RAVER2: variants seen among roughly 807,000 people sequenced by gnomAD.
The protein encoded by RAVER2 is ribonucleoprotein PTB-binding 2.
Under a neutral mutation model 78.1 loss-of-function variants are expected in RAVER2, and 46 were observed. That is an observed-to-expected ratio of 0.59 (90% CI 0.46 to 0.75). The LOEUF is 0.75. Ranked by LOEUF, RAVER2 falls within the 30% of genes least tolerant of loss-of-function variation. RAVER2 has a pLI of 0.00. For synonymous variants in RAVER2, 311 were observed against 313.3 expected, an observed-to-expected ratio of 0.99 and a Z score of 0.08; for missense variants, 793 against 837.5, an observed-to-expected ratio of 0.95 and a Z score of 0.66.
exon 9 of RAVER2, chr1:64,807,283 G>A (rs771170298): frequency 6.2e-7 from 1 of 1,614,132 alleles, no homozygotes. Flanking sequence ...TCAGCACATT[G>A]CTGGACAGGC....
chr1:64,751,028 C>A (rs927772491), intron 1 of RAVER2, among the ~76,000 whole-genome samples: 1 of 152,204 alleles, frequency 6.6e-6, no homozygotes, highest in Non-Finnish European at 1.5e-5. Flanking sequence ...ATGCAGTTCT[C>A]TGCTATGAAA....
chr1:64,804,735 G>A, exon 7 of RAVER2: 2 of 1,373,904 alleles, frequency 1.5e-6, no homozygotes, highest in Non-Finnish European at 2.1e-6. Context: ...TTTTCACAGA[G>A]CTCAGTTATG....
chr1:64,808,713 C>T (rs1409990738), intron 9 of RAVER2, among the ~76,000 whole-genome samples: 3 of 152,060 alleles, frequency 2.0e-5, no homozygotes, highest in African/African-American at 4.8e-5. Flanking sequence ...CTTCCCGCCT[C>T]GGCTTCCCAA....
At chr1:64,759,763 G>A (rs942617605) in intron 1 of RAVER2, among the ~76,000 whole-genome samples, 2 of 151,942 alleles carry the variant, frequency 1.3e-5, no homozygotes, top group East Asian at 1.9e-4. Context: ...TGATCCACCC[G>A]CCTTGGCCTC....
rs926991506 is a variant in RAVER2 at position 64,778,722 on chromosome 1, A to C, written c.786+630A>C. ...AAATATATATATATATACTATATAT[A>C]ACACTTTTCCTTACAGAGTTTTGAT... On this transcript the variant is annotated intron_variant, in intron 3 of 11. Coordinates refer to ENST00000294428, the Ensembl canonical transcript of RAVER2. Among the ~76,000 whole-genome samples, 7 of 149,310 alleles carry C rather than the reference A, an allele frequency of 4.7e-5. No individual in the cohort carries two copies. The Admixed American group carries it at 4.7e-4, about 10-fold the overall frequency.
intron 4 of RAVER2, among the ~76,000 whole-genome samples, chr1:64,786,618 C>T (rs1397036701): frequency 6.6e-6 from 1 of 151,664 alleles, no homozygotes; most frequent in African/African-American, 2.4e-5. Flanking sequence ...TGGCGAAACC[C>T]GGTCTCTACT....
At chr1:64,750,961 A>T (rs1651681463) in intron 1 of RAVER2, among the ~76,000 whole-genome samples, 1 of 152,240 alleles carries the variant, frequency 6.6e-6, no homozygotes, top group South Asian at 2.1e-4. Context: ...TTTCTGGGAC[A>T]CCACTGTCTC....
At chr1:64,757,704 T>C (rs1164631941) in intron 1 of RAVER2, among the ~76,000 whole-genome samples, 2 of 152,224 alleles carry the variant, frequency 1.3e-5, no homozygotes, top group African/African-American at 4.8e-5. Flanking sequence ...CTAGCTATAC[T>C]CATTGCCATT....
intron 5 of RAVER2, among the ~76,000 whole-genome samples, chr1:64,797,180 G>A (rs547672704): frequency 5.9e-5 from 9 of 152,236 alleles, no homozygotes; most frequent in Admixed American, 2.6e-4. Flanking sequence ...TATATGTTCC[G>A]CTCTTACTGG....
intron 1 of RAVER2, among the ~76,000 whole-genome samples, chr1:64,767,098 A>G (rs562567862): frequency 9.7e-4 from 147 of 152,208 alleles, no homozygotes; most frequent in African/African-American, 3.5e-3. Flanking sequence ...TATCTTTCAT[A>G]TCATAGAGGA....
At position 64,804,925 on chromosome 1, in the gene RAVER2, C is replaced by T. The variant is rs1653370494; in HGVS notation, c.1297-66C>T. Reference sequence around the variant, plus strand: ...GGATCAGGTTGTTTATGAATTTTCACGTGTGTAGCTTTTTTTAGGTTATAT... The same window carrying T: ...GGATCAGGTTGTTTATGAATTTTCATGTGTGTAGCTTTTTTTAGGTTATAT... On this transcript the variant is annotated intron_variant, in intron 7 of 11. Transcript: ENST00000294428. 26 of 1,536,052 alleles carry T rather than the reference C, an allele frequency of 1.7e-5. No homozygotes were observed. In the Middle Eastern group the frequency reaches 6.8e-4, roughly 40 times the overall value.
intron 9 of RAVER2, among the ~76,000 whole-genome samples, chr1:64,808,195 T>C (rs1050506390): frequency 2.0e-5 from 3 of 152,144 alleles, no homozygotes; most frequent in African/African-American, 4.8e-5. Flanking sequence ...ACCACTGATA[T>C]TTATAAATGT....
At position 64,745,791 on chromosome 1, in the gene RAVER2, G is replaced by T. The variant is rs1481433304; in HGVS notation, c.249+370G>T. ...CATTTTGCGGGGGGGAGCGGGGGTAGAGGGGGCCGAAGCTTCGGGAGCACC... is the reference window on the plus strand; with the variant it reads ...CATTTTGCGGGGGGGAGCGGGGGTATAGGGGGCCGAAGCTTCGGGAGCACC... On this transcript the variant is annotated intron_variant, in intron 1 of 11. Coordinates refer to ENST00000294428, the Ensembl canonical transcript of RAVER2. The surrounding 1 kb of genome is among the most constrained non-coding windows in gnomAD (Gnocchi z 4.3). Among the ~76,000 whole-genome samples, 1 of 152,002 alleles carries T rather than the reference G, an allele frequency of 6.6e-6. No individual in the cohort carries two copies.
intron 1 of RAVER2, among the ~76,000 whole-genome samples, chr1:64,748,410 TC>T (rs1651602875): frequency 6.6e-6 from 1 of 152,220 alleles, no homozygotes; most frequent in African/African-American, 2.4e-5. Flanking sequence ...TGAGGGATAC[TC>T]CTGAAGCACA....
chr1:64,745,075 C>T, upstream of RAVER2: 8 of 992,670 alleles, frequency 8.1e-6, no homozygotes, highest in Non-Finnish European at 9.6e-6. This position sits in a 1 kb window ranked among gnomAD's most constrained non-coding sequence, Gnocchi z 4.3. Context: ...ACTCTGCGGC[C>T]TCTGCCCGCC....
chr1:64,800,070 G>A (rs1465298302), intron 5 of RAVER2, among the ~76,000 whole-genome samples: 2 of 149,570 alleles, frequency 1.3e-5, no homozygotes, highest in Non-Finnish European at 3.0e-5. Flanking sequence ...TCTGAGAAAT[G>A]TCTGTTCAGA....
chr1:64,805,957 A>G (rs1653406507), intron 8 of RAVER2, among the ~76,000 whole-genome samples: 1 of 152,180 alleles, frequency 6.6e-6, no homozygotes, highest in Non-Finnish European at 1.5e-5. Flanking sequence ...CTAATAAATT[A>G]TTTGCTTTAG....
intron 11 of RAVER2, among the ~76,000 whole-genome samples, chr1:64,822,885 C>T (rs1043968992): frequency 6.6e-6 from 1 of 152,176 alleles, no homozygotes; most frequent in Admixed American, 6.5e-5. Context: ...CATGCTACAA[C>T]ATTGGTGAAC....
chr1:64,784,779 C>T (rs777724270), intron 4 of RAVER2, among the ~76,000 whole-genome samples: 5 of 152,182 alleles, frequency 3.3e-5, no homozygotes, highest in African/African-American at 7.2e-5. Context: ...CTCAGTTAAT[C>T]GTGATTGGTC....
Sources: gnomAD v4.1 joint callset for allele counts (sites outside exome capture counted in the v4.1 genomes callset) on GRCh38, gnomAD v4.1.1 for gene constraint, Gnocchi (gnomAD v3.1) non-coding constraint, MANE v1.5 for transcripts, NCBI Gene and HGNC (gene_info 2026-07-23, HGNC 2026-07-21) for gene names.